The following CDC27 variants were observed in gnomAD, a reference collection of about 807,000 sequenced individuals.
CDC27 encodes the protein cell division cycle protein 27 homolog.
CDC27 carries 27 observed loss-of-function variants against 109.7 expected under a neutral mutation model. The observed-to-expected ratio is 0.25, with a 90% confidence interval of 0.18 to 0.34. The LOEUF (loss-of-function observed/expected upper bound fraction) is 0.34, where lower values mean the gene tolerates loss of function less well. Among genes scored for constraint, CDC27 ranks in the 10% least tolerant of loss-of-function variants. The pLI, the probability that CDC27 is intolerant of heterozygous loss-of-function variation, is 1.00. For missense variants in CDC27, 579 were observed against 960.2 expected (o/e 0.60, Z 5.25); for synonymous variants, 266 against 333.9 (o/e 0.80, Z 2.22).
intron 4 of CDC27, among the ~76,000 whole-genome samples, chr17:47,163,288 A>C (rs2063548873): frequency 6.6e-6 from 1 of 152,236 alleles, no homozygotes; most frequent in East Asian, 1.9e-4. Context: ...ACAAAACCAC[A>C]TGTATGTATC....
At chr17:47,151,654 A>C in intron 9 of CDC27, 152 bp downstream of exon 9, 1 of 491,628 alleles carries the variant, frequency 2.0e-6, no homozygotes, top group Non-Finnish European at 3.5e-6. Context: ...AAATTACATT[A>C]GTGTTGTAAG....
At chr17:47,176,479 G>A (rs182366358) in intron 2 of CDC27, among the ~76,000 whole-genome samples, 13 of 152,182 alleles carry the variant, frequency 8.5e-5, no homozygotes, top group Non-Finnish European at 1.3e-4. Context: ...TTAAAACCAC[G>A]CTTAGAGTAA....
At chr17:47,142,582 G>A in intron 10 of CDC27, 146 bp from the exon 11 acceptor site, 3 of 493,408 alleles carry the variant, frequency 6.1e-6, no homozygotes. Flanking sequence ...AAAAACAAAG[G>A]TCTTCAAAGT....
At position 47,129,480 on chromosome 17, in the gene CDC27, G is replaced by T. The variant is rs200590868; in HGVS notation, c.2073C>A (p.Thr691=). ...ALKKSEKALD[T]LNKAIVIDPK... Reference sequence around the variant, plus strand: ...GATCAATGACAATGGCTTTGTTTAGGGTATCCAAAGCCTTCTCTGATTTTT... The same window carrying T: ...GATCAATGACAATGGCTTTGTTTAGTGTATCCAAAGCCTTCTCTGATTTTT... Residue 691 remains threonine, a synonymous_variant, in exon 16 of 19, where the codon ACC becomes ACA. Transcript: ENST00000066544. 75 of 1,605,340 alleles carry T rather than the reference G, an allele frequency of 4.7e-5. No individual in the cohort carries two copies. The African/African-American group carries it at 8.0e-4, about 17-fold the overall frequency.
intron 4 of CDC27, among the ~76,000 whole-genome samples, chr17:47,164,016 G>A (rs530674249): frequency 4.2e-4 from 64 of 152,204 alleles, no homozygotes; most frequent in Non-Finnish European, 7.1e-4. Context: ...TGCCCGCCTC[G>A]GCCTCCCAAA....
At chr17:47,142,687 T>C (rs2062832056) in intron 10 of CDC27, among the ~76,000 whole-genome samples, 1 of 152,178 alleles carries the variant, frequency 6.6e-6, no homozygotes, top group South Asian at 2.1e-4. Flanking sequence ...CTTGTGAAAG[T>C]ATATCAAACT....
intron 9 of CDC27, among the ~76,000 whole-genome samples, chr17:47,147,091 A>G (rs1460244783): frequency 6.6e-6 from 1 of 152,084 alleles, no homozygotes; most frequent in Non-Finnish European, 1.5e-5. Context: ...ATTTATAATA[A>G]CTGACATCCA....
In CDC27 at chr17:47,120,318, A is replaced by C. The variant is rs1311448260; in HGVS notation, c.*617T>G. 1 of 152,700 alleles carries C rather than the reference A, an allele frequency of 6.5e-6. No individual in the cohort carries two copies. 9.5% of individuals were successfully genotyped at this position (152,700 alleles called of 1,614,324 possible). On this transcript the variant is annotated 3_prime_UTR_variant, in exon 19 of 19. Coordinates refer to ENST00000066544, the MANE Select transcript of CDC27 (RefSeq NM_001256.6). ...CATTAAAGCATTCTTGCCAAGAATA[A>C]GAGTACACTGTATGGAGGGATATTT...
chr17:47,141,752 A>G, intron 12 of CDC27, 101 bp downstream of exon 12: 1 of 633,580 alleles, frequency 1.6e-6, no homozygotes, highest in Non-Finnish European at 2.7e-6. Flanking sequence ...TACATAATAA[A>G]TACTGATCTT....
intron 2 of CDC27, among the ~76,000 whole-genome samples, chr17:47,180,250 ATT>A (rs1314727652): frequency 6.6e-6 from 1 of 152,218 alleles, no homozygotes; most frequent in Non-Finnish European, 1.5e-5. Flanking sequence ...AGATTAATCT[ATT>A]GTATAATCTT....
At chr17:47,140,262 G>T (rs781549305) in intron 12 of CDC27, among the ~76,000 whole-genome samples, 37 of 152,114 alleles carry the variant, frequency 2.4e-4, no homozygotes, top group Non-Finnish European at 3.4e-4. Flanking sequence ...ACAGGTGAGT[G>T]CCACCACACC....
intron 3 of CDC27, among the ~76,000 whole-genome samples, chr17:47,171,650 C>T (rs1017111817): frequency 3.3e-5 from 5 of 151,952 alleles, no homozygotes; most frequent in African/African-American, 9.7e-5. Flanking sequence ...GCAAAGAAAA[C>T]GAAATATTTG....
intron 3 of CDC27, chr17:47,171,012 G>A (rs1234117521): frequency 1.3e-5 from 2 of 152,070 alleles, no homozygotes; most frequent in African/African-American, 4.8e-5. Context: ...GAGATGGGAG[G>A]ATCGCTTAGG....
At chr17:47,145,976 G>C (rs1051173168) in intron 9 of CDC27, among the ~76,000 whole-genome samples, 2 of 151,822 alleles carry the variant, frequency 1.3e-5, no homozygotes, top group Admixed American at 1.3e-4. Context: ...CTCTGGGAAG[G>C]AAATTGAGTT....
chr17:47,125,823 T>C (rs1634268), intron 16 of CDC27, among the ~76,000 whole-genome samples: 53,817 of 152,068 alleles, frequency 0.35, 10,077 homozygotes, highest in Admixed American at 0.43. Context: ...ATTACAGGCG[T>C]GAGCTGCTGC....
At chr17:47,184,422 A>G (rs1187693649) in intron 1 of CDC27, among the ~76,000 whole-genome samples, 2 of 152,334 alleles carry the variant, frequency 1.3e-5, no homozygotes, top group South Asian at 2.1e-4. Context: ...AAAGACTCAA[A>G]TGATTTACCA....
intron 2 of CDC27, among the ~76,000 whole-genome samples, chr17:47,177,884 C>G (rs1598595806): frequency 6.6e-6 from 1 of 152,192 alleles, no homozygotes; most frequent in Non-Finnish European, 1.5e-5. Context: ...ACACACATAT[C>G]TCCAAAGAGC....
chr17:47,118,483 C>T lies in CDC27; in HGVS notation c.*2452G>A, dbSNP rs936888132. 4 of 152,400 alleles carry T rather than the reference C, an allele frequency of 2.6e-5. No individual in the cohort carries two copies. Among genetic ancestry groups the T allele is most frequent in the East Asian group, 1.9e-4 (1 of 5,170 alleles). 9.4% of individuals were successfully genotyped at this position (152,400 alleles called of 1,614,324 possible). On this transcript the variant is annotated 3_prime_UTR_variant, in exon 19 of 19. Coordinates refer to ENST00000066544, the MANE Select transcript of CDC27 (RefSeq NM_001256.6). ...CATAACTTCTGAACAAGTGTGTGCG[C>T]GTATATATATATGTATATAGATGTA...
chr17:47,173,919 C>G (rs2063896634), intron 2 of CDC27, among the ~76,000 whole-genome samples: 1 of 152,132 alleles, frequency 6.6e-6, no homozygotes, highest in African/African-American at 2.4e-5. Flanking sequence ...ATGGCGAAAC[C>G]CCGTCTTCTA....
Sources: allele counts gnomAD v4.1 joint callset (sites outside exome capture counted in the v4.1 genomes callset), GRCh38; gene constraint gnomAD v4.1.1; transcripts MANE v1.5; gene names NCBI Gene and HGNC (gene_info 2026-07-23, HGNC 2026-07-21).